TCF12: variants seen among roughly 807,000 people sequenced by gnomAD.
TCF12 encodes DNA-binding protein HTF4.
TCF12 carries 45 observed loss-of-function variants against 86.0 expected under a neutral mutation model. The observed-to-expected ratio is 0.52, with a 90% CI of 0.41 to 0.67. The LOEUF is 0.67. TCF12 is among the 30% of genes least tolerant of loss of function. The probability of loss-of-function intolerance (pLI) is 0.00; values close to 1 mark genes in which losing one functional copy is unlikely to be tolerated. For synonymous variants in TCF12, 330 were observed against 299.6 expected (o/e 1.10, Z -1.05); for missense variants, 881 against 859.9 (o/e 1.02, Z -0.31).
chr15:57,118,656 G>A (rs1474110340), intron 5 of TCF12, among the ~76,000 whole-genome samples: 2 of 152,102 alleles, frequency 1.3e-5, no homozygotes, highest in African/African-American at 2.4e-5. Context: ...GTGCATATAT[G>A]TGTTACTTCT....
intron 5 of TCF12, among the ~76,000 whole-genome samples, chr15:57,140,712 G>T (rs1481167628): frequency 2.0e-5 from 3 of 152,164 alleles, no homozygotes; most frequent in Non-Finnish European, 2.9e-5. Context: ...AATTCTATGA[G>T]ATATAAACAA....
chr15:57,073,153 C>T (rs575956595), intron 4 of TCF12, among the ~76,000 whole-genome samples: 1 of 152,276 alleles, frequency 6.6e-6, no homozygotes, highest in South Asian at 2.1e-4. Context: ...GTCAATTTCT[C>T]ACCTTACTGT....
intron 8 of TCF12, among the ~76,000 whole-genome samples, chr15:57,225,750 G>A (rs2095961003): frequency 6.6e-6 from 1 of 152,040 alleles, no homozygotes; most frequent in African/African-American, 2.4e-5. Context: ...TCTTAAAAGA[G>A]CCTCTTTTTA....
At chr15:57,159,489 T>C (rs1201910948) in intron 5 of TCF12, among the ~76,000 whole-genome samples, 1 of 152,248 alleles carries the variant, frequency 6.6e-6, no homozygotes, top group Non-Finnish European at 1.5e-5. Flanking sequence ...GAGGATAGTC[T>C]GCTCATAAAA....
intron 3 of TCF12, among the ~76,000 whole-genome samples, chr15:56,981,909 G>C (rs2062912302): frequency 6.6e-6 from 1 of 152,104 alleles, no homozygotes; most frequent in Non-Finnish European, 1.5e-5. Flanking sequence ...GGAGAGGTTG[G>C]TGTGGCTGTC....
intron 5 of TCF12, among the ~76,000 whole-genome samples, chr15:57,151,981 A>G (rs1189650589): frequency 6.6e-6 from 1 of 152,174 alleles, no homozygotes; most frequent in Admixed American, 6.5e-5. Flanking sequence ...GCACAGGTTT[A>G]TAGCATCTGT....
intron 6 of TCF12, among the ~76,000 whole-genome samples, chr15:57,168,391 T>C (rs1334607197): frequency 6.6e-6 from 1 of 152,214 alleles, no homozygotes; most frequent in Admixed American, 6.5e-5. Flanking sequence ...TTAAGGTATC[T>C]TTCTGACCTT....
intron 8 of TCF12, among the ~76,000 whole-genome samples, chr15:57,225,220 C>CTTTTTTTTTTTT (rs139530756): frequency 2.5e-5 from 1 of 39,770 alleles, no homozygotes; most frequent in African/African-American, 1.0e-4. Flanking sequence ...CTGATATATG[C>CTTTTTTTTTTTT]TTTTTTTTTT....
chr15:57,276,056 G>A (rs1478710030), intron 19 of TCF12, among the ~76,000 whole-genome samples: 3 of 152,150 alleles, frequency 2.0e-5, no homozygotes, highest in South Asian at 2.1e-4. Context: ...TACTCTCAGC[G>A]TTACTCAAGA....
chr15:57,039,716 G>T (rs2703602), intron 3 of TCF12, among the ~76,000 whole-genome samples: 1 of 152,190 alleles, frequency 6.6e-6, no homozygotes, highest in Non-Finnish European at 1.5e-5. Flanking sequence ...TAAGTCCGTA[G>T]ACCTTCTTGT....
At chr15:56,918,497 T>TAG, upstream of TCF12, 9 of 316,732 alleles carry the variant, frequency 2.8e-5, no homozygotes, top group South Asian at 2.0e-4. Context: ...GACCGCGGGC[T>TAG]TTGTCCACCC....
At chr15:57,250,989 A>G (rs1273055277) in intron 13 of TCF12, among the ~76,000 whole-genome samples, 1 of 151,064 alleles carries the variant, frequency 6.6e-6, no homozygotes, top group African/African-American at 2.4e-5. Context: ...AGTATTATCA[A>G]AATTTCTGTA....
intron 5 of TCF12, among the ~76,000 whole-genome samples, chr15:57,158,356 T>G (rs954929907): frequency 3.3e-5 from 5 of 151,934 alleles, no homozygotes; most frequent in African/African-American, 1.2e-4. Flanking sequence ...TTTTTTGTAT[T>G]TTTTGTAGAG....
At chr15:56,951,766 C>T (rs2061288367) in intron 3 of TCF12, among the ~76,000 whole-genome samples, 1 of 152,146 alleles carries the variant, frequency 6.6e-6, no homozygotes, top group South Asian at 2.1e-4. Flanking sequence ...CCTCCCACCT[C>T]AGCTTCCTGA....
chr15:57,247,578 T>G lies in TCF12; in HGVS notation c.1115-3772T>G. The stretch of plus-strand genomic sequence containing the variant: ...TTTTTTCCACTCTGCCTGTCTTCCA[T>G]AACTTCTGCGGTTTCAATCTTGCCA... On this transcript the variant is annotated intron_variant, in intron 13 of 20. Transcript: ENST00000333725. 4 of 868,982 alleles carry G rather than the reference T, an allele frequency of 4.6e-6. No homozygotes were observed. The South Asian group carries it at 5.2e-5, about 11-fold the overall frequency. The allele number at this position is 868,982 out of a possible 1,614,324, so 53.8% of individuals were successfully genotyped here. A position where few individuals can be genotyped will look rare whatever the true frequency, so the allele number is the denominator to read the frequency against.
chr15:57,027,064 C>G (rs1165356763), intron 3 of TCF12, among the ~76,000 whole-genome samples: 1 of 151,642 alleles, frequency 6.6e-6, no homozygotes, highest in Non-Finnish European at 1.5e-5. Flanking sequence ...TCTGCAGATA[C>G]AGAAACTGAA....
intron 3 of TCF12, among the ~76,000 whole-genome samples, chr15:57,003,403 C>G (rs2064163850): frequency 6.6e-6 from 1 of 152,168 alleles, no homozygotes; most frequent in African/African-American, 2.4e-5. Context: ...ATCAACAAAA[C>G]AATAACTCAT....
At chr15:57,264,534 GGTT>G (rs1265199992) in intron 18 of TCF12, among the ~76,000 whole-genome samples, 1 of 151,508 alleles carries the variant, frequency 6.6e-6, no homozygotes, top group Non-Finnish European at 1.5e-5. Flanking sequence ...AAAATTTTGT[GGTT>G]TTTTGTTTGT....
chr15:57,255,010 T>C (rs2060286070), intron 16 of TCF12, among the ~76,000 whole-genome samples: 1 of 152,206 alleles, frequency 6.6e-6, no homozygotes, highest in South Asian at 2.1e-4. Context: ...GTTGAAATAC[T>C]ATTTATCCTT....
Sources: allele counts gnomAD v4.1 joint callset (sites outside exome capture counted in the v4.1 genomes callset), GRCh38; gene constraint gnomAD v4.1.1; transcripts MANE v1.5; gene names NCBI Gene and HGNC (gene_info 2026-07-23, HGNC 2026-07-21).